Variants in MRM3 observed in about 807,000 individuals in gnomAD.
MRM3 encodes rRNA methyltransferase 3, mitochondrial.
Under a neutral mutation model 29.4 loss-of-function variants are expected in MRM3, and 26 were observed. The observed-to-expected ratio is 0.89, with a 90% confidence interval of 0.65 to 1.23. The LOEUF is 1.23. MRM3 is among the 50% of genes most tolerant of loss of function. The probability of loss-of-function intolerance (pLI) is 0.00; values close to 1 mark genes in which losing one functional copy is unlikely to be tolerated. For synonymous variants in MRM3, 225 were observed against 219.0 expected (o/e 1.03, Z -0.24); for missense variants, 578 against 540.2 (o/e 1.07, Z -0.69).
rs1164213478 is a variant in MRM3, at chr17:791,786, C to T, written c.980C>T (p.Thr327Ile). Residue 327 changes from threonine (T) to isoleucine (I), a missense_variant, in exon 4 of 4, where the codon ACC becomes ATC. Coordinates refer to ENST00000304478, the MANE Select transcript of MRM3 (RefSeq NM_018146.4). ...HKYEEEEDVETGASQDWLPHV... is the reference protein window; with the variant it reads ...HKYEEEEDVEIGASQDWLPHV... ...TATGAGGAAGAGGAAGATGTAGAAA[C>T]CGGAGCCAGTCAAGATTGGCTGCCT... The T allele has an allele frequency of 6.2e-7, 1 of 1,614,048 alleles. No individual in the cohort carries two copies. Among genetic ancestry groups the T allele is most frequent in the Non-Finnish European group, 8.5e-7 (1 of 1,180,050 alleles).
rs1433402793 is a variant in MRM3, at chr17:787,460, A to G, written c.560-505A>G. Among the ~76,000 whole-genome samples, 2 of 152,178 alleles carry G rather than the reference A, an allele frequency of 1.3e-5. No homozygotes were observed. The highest frequency in any genetic ancestry group is 2.9e-5 in the Non-Finnish European group (2 of 68,040). On this transcript the variant is annotated intron_variant, in intron 2 of 3. Coordinates refer to ENST00000304478, the MANE Select transcript of MRM3 (RefSeq NM_018146.4). This position sits in a 1 kb window ranked among gnomAD's most constrained non-coding sequence, Gnocchi z 4.1. The stretch of plus-strand genomic sequence containing the variant: ...AAGTTCTAAAAGGATACACTCCAAA[A>G]CAGAACAGTTGAGGGGGAGGAGAGT...
intron 2 of MRM3, chr17:783,567 C>A: frequency 2.8e-6 from 1 of 355,152 alleles, no homozygotes; most frequent in South Asian, 2.9e-5. Flanking sequence ...GAACTTGTGA[C>A]CTCAGGTGAT....
intron 2 of MRM3, among the ~76,000 whole-genome samples, chr17:785,460 G>C (rs1484047447): frequency 6.6e-6 from 1 of 152,158 alleles, no homozygotes; most frequent in Non-Finnish European, 1.5e-5. Flanking sequence ...AATAAGGAGA[G>C]AATTTTCCAC....
intron 2 of MRM3, among the ~76,000 whole-genome samples, chr17:784,312 T>A (rs1202876656): frequency 6.6e-6 from 1 of 152,236 alleles, no homozygotes; most frequent in Non-Finnish European, 1.5e-5. Context: ...CACTCAGAGC[T>A]CTTAGATCCT....
At position 782,484 on chromosome 17, in the gene MRM3, A is replaced by T. The variant is rs773821930; in HGVS notation, c.106A>T (p.Ser36Cys). ...ARRWVRALRRSPVKVVFPSGE... is the reference protein window; with the variant it reads ...ARRWVRALRRCPVKVVFPSGE... ...GCGCTGGGTCCGGGCGCTGCGGCGG[A>T]GCCCAGTGAAAGTGGTGTTTCCTTC... is the stretch of plus-strand genomic sequence containing the variant. The change falls in exon 1 of 4, where the codon AGC becomes TGC. Residue 36 changes from serine to cysteine, a missense_variant. By Grantham distance (112) the Ser-to-Cys change is moderately radical. Coordinates refer to ENST00000304478, the MANE Select transcript of MRM3 (RefSeq NM_018146.4). 6.2e-7 allele frequency: 1 copy of T among 1,613,730 alleles called. No homozygotes were observed.
In MRM3 at chr17:783,210, C is replaced by A. The variant is rs773268287; in HGVS notation, c.442C>A (p.Arg148Ser). The change falls in exon 2 of 4, where the codon CGT becomes AGT. Residue 148 changes from arginine (R) to serine (S), a missense_variant. Coordinates refer to ENST00000304478, the MANE Select transcript of MRM3 (RefSeq NM_018146.4). ...TGTGCCAAAAATGTTCTTCTTTAGC[C>A]GTCTAGAATACCTAAAGGAGTTGCC... ...GAVPKMFFFSRLEYLKELPVD... is the reference protein window; with the variant it reads ...GAVPKMFFFSSLEYLKELPVD... 44 of 1,613,996 alleles carry A rather than the reference C, an allele frequency of 2.7e-5. No individual in the cohort carries two copies. The South Asian group carries it at 2.9e-4, about 10-fold the overall frequency.
intron 2 of MRM3, 119 bp downstream of exon 2, chr17:783,446 C>G (rs1488343010): frequency 9.7e-7 from 1 of 1,032,512 alleles, no homozygotes; most frequent in African/African-American, 1.6e-5. Context: ...AAGGGATTCT[C>G]TTGCCTCAGC....
rs753708502 is a variant in MRM3 at position 782,439 on chromosome 17, G to C, written c.61G>C (p.Ala21Pro). The C allele has an allele frequency of 5.6e-6, 9 of 1,613,858 alleles. No homozygotes were observed. Among genetic ancestry groups the C allele is most frequent in the Non-Finnish European group, 7.6e-6 (9 of 1,179,982 alleles). The change falls in exon 1 of 4, where the codon GCT (alanine) becomes CCT (proline). Residue 21 changes from alanine (A) to proline (P), a missense_variant. Coordinates refer to ENST00000304478, the MANE Select transcript of MRM3 (RefSeq NM_018146.4). Reference sequence around the variant, plus strand: ...GCGACCGTTGCTGCAGGTGGTCCAGGCTTGGGACCTTGACGCGAGGCGCTG... The same window carrying C: ...GCGACCGTTGCTGCAGGTGGTCCAGCCTTGGGACCTTGACGCGAGGCGCTG... ...VVRPLLQVVQ[A>P]WDLDARRWVR...
chr17:790,757 C>T (rs1318043468), intron 3 of MRM3, among the ~76,000 whole-genome samples: 1 of 94,374 alleles, frequency 1.1e-5, no homozygotes, highest in East Asian at 2.7e-4. Context: ...ACACCCCCAC[C>T]GGCTGATTGG....
At chr17:782,746 G>A in intron 1 of MRM3, 54 bp downstream of exon 1, 1 of 1,535,574 alleles carries the variant, frequency 6.5e-7, no homozygotes, top group South Asian at 1.2e-5. Flanking sequence ...CCGTCGCACA[G>A]CGGAACCTTA....
rs932183005 is a variant in MRM3, at chr17:792,272, C to A, written c.*203C>A. On this transcript the variant is annotated 3_prime_UTR_variant, in exon 4 of 4. Coordinates refer to ENST00000304478, the MANE Select transcript of MRM3 (RefSeq NM_018146.4). ...CTGTCGCGTCACTGATTTTGAGGTT[C>A]TTTTTTCTCTTGGTGACAATAGGTG... 1.1e-5 allele frequency: 6 copies of A among 543,048 alleles called. No individual in the cohort carries two copies. Among genetic ancestry groups the A allele is most frequent in the African/African-American group, 1.9e-5 (1 of 52,630 alleles). 33.6% of individuals were successfully genotyped at this position (543,048 alleles called of 1,614,324 possible).
intron 3 of MRM3, among the ~76,000 whole-genome samples, chr17:789,586 T>C (rs1163074112): frequency 6.6e-6 from 1 of 152,134 alleles, no homozygotes; most frequent in African/African-American, 2.4e-5. Context: ...AGTAAACTAA[T>C]AGTGGCACCC....
At chr17:783,973 C>G (rs1910405132) in intron 2 of MRM3, among the ~76,000 whole-genome samples, 1 of 152,168 alleles carries the variant, frequency 6.6e-6, no homozygotes, top group South Asian at 2.1e-4. Flanking sequence ...GTGGTGATAA[C>G]TGTCAATAAA....
chr17:790,751 C>T (rs1432960391), intron 3 of MRM3, among the ~76,000 whole-genome samples: 13 of 93,106 alleles, frequency 1.4e-4, no homozygotes, highest in African/African-American at 8.2e-4. Flanking sequence ...GCCACCACAC[C>T]CCCACCGGCT....
In MRM3 at chr17:787,853, T is replaced by C; in HGVS notation, c.560-112T>C. 2 of 1,125,268 alleles carry C rather than the reference T, an allele frequency of 1.8e-6. No homozygotes were observed. The highest frequency in any genetic ancestry group is 1.3e-6 in the Non-Finnish European group (1 of 756,830). 69.7% of individuals were successfully genotyped at this position (1,125,268 alleles called of 1,614,324 possible). ...CATGAGCCAGTACACCTGGCCTGTA[T>C]TCCTGTATTTTTATGTAACTAAGAC... On this transcript the variant is annotated intron_variant, in intron 2 of 3. Transcript: ENST00000304478. This position sits in a 1 kb window ranked among gnomAD's most constrained non-coding sequence, Gnocchi z 4.1.
intron 2 of MRM3, among the ~76,000 whole-genome samples, chr17:786,882 CAG>C (rs1433741995): frequency 2.6e-5 from 4 of 152,266 alleles, no homozygotes; most frequent in African/African-American, 9.6e-5. Context: ...GCATTTGTAA[CAG>C]GGAAAAATTC....
intron 3 of MRM3, 170 bp downstream of exon 3, chr17:788,302 C>A (rs954050967): frequency 6.0e-5 from 37 of 612,912 alleles, no homozygotes; most frequent in Non-Finnish European, 8.9e-5. Context: ...GTGGGGTGTG[C>A]CTGTACTCAG....
chr17:788,856 T>A (rs547867716), intron 3 of MRM3, among the ~76,000 whole-genome samples: 10 of 152,368 alleles, frequency 6.6e-5, no homozygotes, highest in Non-Finnish European at 1.3e-4. Flanking sequence ...AAGTGTCAGC[T>A]TCCTCGTTGG....
chr17:784,194 G>A (rs1443276959), intron 2 of MRM3, among the ~76,000 whole-genome samples: 1 of 152,156 alleles, frequency 6.6e-6, no homozygotes. Flanking sequence ...TTTTGACATG[G>A]GAGTTTTAAG....
Sources: gnomAD v4.1 joint callset for allele counts (sites outside exome capture counted in the v4.1 genomes callset) on GRCh38, gnomAD v4.1.1 for gene constraint, Gnocchi (gnomAD v3.1) non-coding constraint, MANE v1.5 for transcripts, NCBI Gene and HGNC (gene_info 2026-07-23, HGNC 2026-07-21) for gene names.